COL19A1: variants seen among roughly 807,000 people sequenced by gnomAD.
COL19A1 encodes the protein collagen type XIX alpha 1 chain, also known as collagen alpha-1(XIX) chain.
A neutral mutation model predicts 190.2 loss-of-function variants in COL19A1; 159 were observed. The observed-to-expected ratio is 0.84, with a 90% CI of 0.73 to 0.95. The LOEUF (loss-of-function observed/expected upper bound fraction) is 0.95. COL19A1 is among the 40% of genes least tolerant of loss of function. The pLI, the probability that COL19A1 is intolerant of heterozygous loss-of-function variation, is 0.00. For missense variants in COL19A1, 1,418 were observed against 1,431.9 expected (o/e 0.99, Z 0.16); for synonymous variants, 509 against 458.9 (o/e 1.11, Z -1.39).
In COL19A1 at chr6:69,958,817, T is replaced by A. The variant is rs1040383483; in HGVS notation, c.937-1179T>A. On this transcript the variant is annotated intron_variant, in intron 9 of 50. Coordinates refer to ENST00000620364, the MANE Select transcript of COL19A1 (RefSeq NM_001858.6). ...TTTTAATTAATGAAATAATGAAAAATTTCCTTAGATTTAGACAGAATATTG... is the reference window on the plus strand; with the variant it reads ...TTTTAATTAATGAAATAATGAAAAAATTCCTTAGATTTAGACAGAATATTG... Among the ~76,000 whole-genome samples, 9 of 152,112 alleles carry A rather than the reference T, an allele frequency of 5.9e-5. No homozygotes were observed. In the East Asian group the frequency reaches 1.2e-3, roughly 20 times the overall value.
chr6:69,878,456 G>T (rs550141173), intron 1 of COL19A1, among the ~76,000 whole-genome samples: 1 of 151,850 alleles, frequency 6.6e-6, no homozygotes, highest in African/African-American at 2.4e-5. Context: ...CCTCGTGATC[G>T]CCCGCCTCGG....
At chr6:70,073,430 G>T (rs138042754) in intron 15 of COL19A1, among the ~76,000 whole-genome samples, 2 of 152,322 alleles carry the variant, frequency 1.3e-5, no homozygotes, top group Non-Finnish European at 2.9e-5. Context: ...CTGTGATGAG[G>T]AGTAATGCCA....
chr6:70,183,672 G>A (rs802186), intron 44 of COL19A1, among the ~76,000 whole-genome samples: 17,926 of 152,116 alleles, frequency 0.12, 2,592 homozygotes, highest in African/African-American at 0.34. Context: ...ATAATTCCCA[G>A]GATGTTTCAG....
At chr6:69,917,264 A>G (rs1468528669) in intron 4 of COL19A1, among the ~76,000 whole-genome samples, 1 of 152,216 alleles carries the variant, frequency 6.6e-6, no homozygotes. Flanking sequence ...TTAGAATCAC[A>G]TAGGATTTGA....
At chr6:69,894,533 T>G (rs1180638407) in intron 2 of COL19A1, among the ~76,000 whole-genome samples, 6 of 152,216 alleles carry the variant, frequency 3.9e-5, no homozygotes, top group African/African-American at 1.4e-4. Flanking sequence ...TAAAAAATAT[T>G]TGATCTAAGC....
At chr6:70,151,572 A>G (rs893752426) in intron 31 of COL19A1, 134 bp downstream of exon 31, 15 of 747,638 alleles carry the variant, frequency 2.0e-5, no homozygotes, top group African/African-American at 1.4e-4. Context: ...CATCTTTAAG[A>G]TAGGAAAATA....
intron 15 of COL19A1, among the ~76,000 whole-genome samples, chr6:70,075,012 G>A (rs926300346): frequency 3.3e-5 from 5 of 152,046 alleles, no homozygotes; most frequent in African/African-American, 4.8e-5. Flanking sequence ...AAAATAACAC[G>A]TTAAATGTTC....
intron 4 of COL19A1, among the ~76,000 whole-genome samples, chr6:69,920,316 C>T (rs868123673): frequency 3.5e-4 from 54 of 152,168 alleles, no homozygotes; most frequent in East Asian, 7.7e-4. Flanking sequence ...GTCACTTCCC[C>T]GAAGTTTCAT....
intron 11 of COL19A1, among the ~76,000 whole-genome samples, chr6:69,999,356 C>A (rs1196040342): frequency 1.3e-5 from 2 of 152,008 alleles, no homozygotes; most frequent in Admixed American, 1.3e-4. Flanking sequence ...CAAGGTGAGA[C>A]CCTGTCTCTA....
intron 16 of COL19A1, among the ~76,000 whole-genome samples, chr6:70,107,552 C>T (rs1221137991): frequency 6.6e-6 from 1 of 152,156 alleles, no homozygotes; most frequent in Non-Finnish European, 1.5e-5. Flanking sequence ...TGTTATTATT[C>T]TGAACACCCA....
chr6:69,898,996 A>G lies in COL19A1; in HGVS notation c.140A>G (p.Asp47Gly). The stretch of plus-strand genomic sequence containing the variant: ...ATAGAGGGACATCAGCTGACATATG[A>G]CAACATAAACAAACTTGAAGTTTCA... ...LRIEGHQLTY[D>G]NINKLEVSGF... Residue 47 changes from aspartate (D) to glycine (G), a missense_variant, in exon 3 of 51, where the codon GAC becomes GGC. Coordinates refer to ENST00000620364, the MANE Select transcript of COL19A1 (RefSeq NM_001858.6). The G allele has an allele frequency of 1.2e-6, 2 of 1,611,936 alleles. No homozygotes were observed. The highest frequency in any genetic ancestry group is 1.7e-6 in the Non-Finnish European group (2 of 1,178,314).
rs1243907673 is a variant in COL19A1, at chr6:69,982,838, G to C, written c.1026+19968G>C. ...ATACAAAAAATTAGCCGGGCTTGGT[G>C]GTGGGCGCCTGTAGTCCCAGCTACT... On this transcript the variant is annotated intron_variant, in intron 11 of 50. Transcript: ENST00000620364. Among the ~76,000 whole-genome samples the C allele has an allele frequency of 2.6e-5, 4 of 151,630 alleles. No individual in the cohort carries two copies. The East Asian group carries it at 5.9e-4, about 22-fold the overall frequency.
chr6:69,873,282 C>T (rs566991119), intron 1 of COL19A1, among the ~76,000 whole-genome samples: 10 of 152,194 alleles, frequency 6.6e-5, no homozygotes, highest in Middle Eastern at 3.4e-3. Flanking sequence ...TAATCCCCCG[C>T]AGCATCTAAC....
intron 11 of COL19A1, among the ~76,000 whole-genome samples, chr6:69,981,801 C>T (rs1042494030): frequency 1.3e-5 from 2 of 151,782 alleles, no homozygotes; most frequent in African/African-American, 2.4e-5. Context: ...GCATATGTTC[C>T]CTTGCCCATG....
intron 9 of COL19A1, among the ~76,000 whole-genome samples, chr6:69,953,489 C>G (rs887290719): frequency 1.3e-5 from 2 of 151,908 alleles, no homozygotes; most frequent in African/African-American, 4.8e-5. Flanking sequence ...ATTGTCTTAT[C>G]TATAGACATA....
At position 69,967,431 on chromosome 6, in the gene COL19A1, G is replaced by T. The variant is rs765301448; in HGVS notation, c.1026+4561G>T. ...CAAACATGTGGCATATTCTGCAGCT[G>T]TGAGAGTCCATGGTTGAGCAAGTTC... On this transcript the variant is annotated intron_variant, in intron 11 of 50. Transcript: ENST00000620364. Among the ~76,000 whole-genome samples the T allele has an allele frequency of 4.7e-4, 71 of 152,328 alleles. 1 individual carries two copies. The highest frequency in any genetic ancestry group is 9.6e-4 in the Non-Finnish European group (65 of 68,016).
chr6:70,070,958 T>C (rs1236084140), intron 15 of COL19A1, among the ~76,000 whole-genome samples: 1 of 152,170 alleles, frequency 6.6e-6, no homozygotes, highest in Non-Finnish European at 1.5e-5. Context: ...CAAGAAGGTA[T>C]TGACTATCAT....
intron 8 of COL19A1, 145 bp downstream of exon 8, chr6:69,937,055 A>C (rs1025788803): frequency 1.7e-6 from 2 of 1,155,534 alleles, no homozygotes; most frequent in Non-Finnish European, 2.4e-6. Context: ...GGGTTAAGAA[A>C]AAGGCATTGA....
intron 14 of COL19A1, among the ~76,000 whole-genome samples, chr6:70,037,133 G>GT (rs963965234): frequency 6.6e-5 from 10 of 151,954 alleles, no homozygotes; most frequent in Non-Finnish European, 1.3e-4. Flanking sequence ...ATATTATTCA[G>GT]TTTTTTATAC....
Sources: gnomAD v4.1 joint callset for allele counts (sites outside exome capture counted in the v4.1 genomes callset) on GRCh38, gnomAD v4.1.1 for gene constraint, MANE v1.5 for transcripts, NCBI Gene and HGNC (gene_info 2026-07-23, HGNC 2026-07-21) for gene names.